Variants in DPP8 observed in about 807,000 individuals in gnomAD.
DPP8 encodes the protein DPP VIII.
DPP8 carries 31 observed loss-of-function variants against 107.5 expected under a neutral mutation model. That is an observed-to-expected ratio of 0.29 (90% CI 0.22 to 0.39). The LOEUF is 0.39. Among genes scored for constraint, DPP8 ranks in the 10% least tolerant of loss-of-function variants. The pLI is 1.00. For synonymous variants in DPP8, 381 were observed against 356.6 expected, an observed-to-expected ratio of 1.07 and a Z score of -0.77; for missense variants, 842 against 1,076.1, an observed-to-expected ratio of 0.78 and a Z score of 3.04.
intron 5 of DPP8, among the ~76,000 whole-genome samples, chr15:65,495,932 G>A (rs544544060): frequency 1.3e-5 from 2 of 151,482 alleles, no homozygotes; most frequent in East Asian, 3.9e-4. Flanking sequence ...GAGAGAATAT[G>A]TATCATTTTG....
At chr15:65,485,298 C>A (rs1054973306) in intron 7 of DPP8, 138 bp from the exon 8 acceptor site, 2 of 619,518 alleles carry the variant, frequency 3.2e-6, no homozygotes, top group East Asian at 6.2e-5. Flanking sequence ...AATCCCAGCA[C>A]TTTGGCAGGT....
chr15:65,486,276 C>A (rs1255972401), intron 7 of DPP8, among the ~76,000 whole-genome samples: 2 of 151,482 alleles, frequency 1.3e-5, no homozygotes, highest in African/African-American at 4.9e-5. Context: ...GCGGCGGGCG[C>A]CTGTAATCCC....
intron 8 of DPP8, among the ~76,000 whole-genome samples, chr15:65,483,629 TAAAATAAAA>T (rs1176985255): frequency 2.0e-5 from 3 of 150,440 alleles, no homozygotes; most frequent in African/African-American, 7.4e-5. Flanking sequence ...TAAAATAAAA[TAAAATAAAA>T]TAGTGCAGCC....
At chr15:65,487,087 T>G (rs1459461291) in intron 7 of DPP8, among the ~76,000 whole-genome samples, 2 of 151,790 alleles carry the variant, frequency 1.3e-5, no homozygotes, top group Non-Finnish European at 2.9e-5. Context: ...AGAAGCAAAA[T>G]GGAAAAAAAT....
At chr15:65,470,404 T>C (rs1244584531) in intron 12 of DPP8, among the ~76,000 whole-genome samples, 1 of 148,698 alleles carries the variant, frequency 6.7e-6, no homozygotes, top group African/African-American at 2.5e-5. Flanking sequence ...TCAGGAGTTC[T>C]AGACCAGCCT....
Position 65,456,331 on chromosome 15 carries a change from AAAT to A in DPP8, c.2009_2011del (p.Tyr670del). On this transcript the variant is annotated inframe_deletion, in exon 16 of 20. Transcript: ENST00000300141. ...TAGAGAGGCTAGGGTATTCAAGCGG[AAAT>A]ACTTGACTCCTTTAAACCGATTATT... The A allele has an allele frequency of 6.2e-7, 1 of 1,614,130 alleles. No individual in the cohort carries two copies. The highest frequency in any genetic ancestry group is 8.5e-7 in the Non-Finnish European group (1 of 1,179,996).
At position 65,463,819 on chromosome 15, in the gene DPP8, T is replaced by C. The variant is rs1277338991; in HGVS notation, c.1913A>G (p.His638Arg). The C allele has an allele frequency of 5.6e-6, 9 of 1,612,880 alleles. No individual in the cohort carries two copies. The highest frequency in any genetic ancestry group is 7.6e-6 in the Non-Finnish European group (9 of 1,179,442). ...FTLYGMLYKP[H>R]DLQPGKKYPT... The stretch of plus-strand genomic sequence containing the variant: ...ATATTTCTTTCCAGGCTGTAGATCA[T>C]GAGGCTTGTAGAGCATCCCATACAA... The change falls in exon 15 of 20, where the codon CAT (histidine) becomes CGT (arginine). Residue 638 changes from histidine (H) to arginine (R), a missense_variant. By Grantham distance (29) the His-to-Arg change is conservative. Transcript: ENST00000300141.
In DPP8 at chr15:65,491,909, T is replaced by G. The variant is rs531372337; in HGVS notation, c.716-1610A>C. ...CACGATGCCCGGCTAATTTTTTCTATTTTTAGTAGAGACGGGGTTTCACTG... is the reference window on the plus strand; with the variant it reads ...CACGATGCCCGGCTAATTTTTTCTAGTTTTAGTAGAGACGGGGTTTCACTG... On this transcript the variant is annotated intron_variant, in intron 5 of 19. Transcript: ENST00000300141. Among the ~76,000 whole-genome samples, 4 of 152,210 alleles carry G rather than the reference T, an allele frequency of 2.6e-5. No homozygotes were observed. The East Asian group carries it at 7.8e-4, about 30-fold the overall frequency.
rs764536243 is a variant in DPP8 at position 65,480,308 on chromosome 15, T to A, written c.1210A>T (p.Met404Leu). 78 of 1,613,786 alleles carry A rather than the reference T, an allele frequency of 4.8e-5. No homozygotes were observed. The highest frequency in any genetic ancestry group is 6.4e-5 in the Non-Finnish European group (76 of 1,179,930). Residue 404 changes from methionine to leucine, a missense_variant, in exon 10 of 20, where the codon ATG becomes TTG. By Grantham distance (15) the Met-to-Leu change is conservative. Coordinates refer to ENST00000300141, the MANE Select transcript of DPP8 (RefSeq NM_130434.5). The stretch of plus-strand genomic sequence containing the variant: ...GACTCAATGAGTCTCTGCCTTTCCA[T>A]AACATCATCTTCTACTGGGATAAAT... Reference protein sequence around the residue: ...ELFIPVEDDVMERQRLIESVP... With the variant: ...ELFIPVEDDVLERQRLIESVP...
intron 12 of DPP8, among the ~76,000 whole-genome samples, chr15:65,470,462 C>T (rs1437460134): frequency 2.6e-5 from 4 of 151,084 alleles, no homozygotes; most frequent in South Asian, 2.1e-4. Flanking sequence ...AAAAATTAGC[C>T]AGGCTTGGTG....
In DPP8 at chr15:65,500,598, C is replaced by T. The variant is rs2069116267; in HGVS notation, c.546+8G>A. The T allele has an allele frequency of 6.2e-7, 1 of 1,612,728 alleles. No individual in the cohort carries two copies. On this transcript the variant is annotated splice_region_variant and intron_variant, in intron 4 of 19. Coordinates refer to ENST00000300141, the MANE Select transcript of DPP8 (RefSeq NM_130434.5). ...AACCAGATTTAATCACTAGCAACTC[C>T]AACTTACCGTAAATCCTTGTGGCCC... is the stretch of plus-strand genomic sequence containing the variant.
chr15:65,461,302 G>A (rs189034379), intron 15 of DPP8, among the ~76,000 whole-genome samples: 20 of 152,000 alleles, frequency 1.3e-4, no homozygotes, highest in Admixed American at 9.8e-4. Context: ...GAGCCACCAC[G>A]CCTAGCTAAC....
intron 2 of DPP8, among the ~76,000 whole-genome samples, chr15:65,509,711 A>G (rs2070513468): frequency 1.3e-5 from 2 of 152,202 alleles, no homozygotes; most frequent in African/African-American, 4.8e-5. Context: ...TCAAAAATGT[A>G]TGATTTCTTA....
At chr15:65,454,547 G>A in intron 16 of DPP8, 132 bp from the exon 17 acceptor site, 1 of 789,398 alleles carries the variant, frequency 1.3e-6, no homozygotes, top group Non-Finnish European at 1.8e-6. Context: ...TATTTTTTGA[G>A]ATGGAGTCTC....
rs369493708 is a variant in DPP8, at chr15:65,495,054, G to T, written c.715+2810C>A. Among the ~76,000 whole-genome samples the T allele has an allele frequency of 4.6e-5, 7 of 152,236 alleles. No individual in the cohort carries two copies. In the East Asian group the frequency reaches 9.7e-4, roughly 21 times the overall value. Reference sequence around the variant, plus strand: ...ATAAAGTCCATGTTCTTTTACAGAAGATATGGTCTACCCTTGTCCTGGCCC... The same window carrying T: ...ATAAAGTCCATGTTCTTTTACAGAATATATGGTCTACCCTTGTCCTGGCCC... On this transcript the variant is annotated intron_variant, in intron 5 of 19. Coordinates refer to ENST00000300141, the MANE Select transcript of DPP8 (RefSeq NM_130434.5).
intron 2 of DPP8, among the ~76,000 whole-genome samples, chr15:65,510,123 G>A (rs112644284): frequency 1.8e-4 from 28 of 151,990 alleles, no homozygotes; most frequent in African/African-American, 6.8e-4. Context: ...AGATCAGCCT[G>A]GACAACATGG....
intron 3 of DPP8, among the ~76,000 whole-genome samples, chr15:65,502,393 T>C (rs1425146038): frequency 1.3e-5 from 2 of 152,036 alleles, no homozygotes; most frequent in African/African-American, 4.8e-5. Flanking sequence ...AAAGAAAGTT[T>C]GTGGCTGGGC....
chr15:65,498,147 C>T (rs1034430900), intron 4 of DPP8, 115 bp from the exon 5 acceptor site: 50 of 788,622 alleles, frequency 6.3e-5, no homozygotes, highest in Non-Finnish European at 8.1e-5. Flanking sequence ...TGAGGCCGGG[C>T]GTGGTGACTT....
intron 3 of DPP8, among the ~76,000 whole-genome samples, chr15:65,505,742 G>A (rs1231185747): frequency 2.0e-5 from 3 of 151,504 alleles, no homozygotes; most frequent in Admixed American, 6.6e-5. Context: ...TTGAGGCCAA[G>A]AGTTCGAGAC....
Sources: allele counts gnomAD v4.1 joint callset (sites outside exome capture counted in the v4.1 genomes callset), GRCh38; gene constraint gnomAD v4.1.1; transcripts MANE v1.5; gene names NCBI Gene and HGNC (gene_info 2026-07-23, HGNC 2026-07-21).